ANKRD44: variants seen among roughly 807,000 people sequenced by gnomAD.
The protein encoded by ANKRD44 is serine/threonine-protein phosphatase 6 regulatory ankyrin repeat subunit B.
ANKRD44 carries 35 observed loss-of-function variants against 116.0 expected under a neutral mutation model. The ratio of observed to expected loss-of-function variants is 0.30; its 90% CI spans 0.23 to 0.40. ANKRD44 has a LOEUF of 0.40. Ranked by LOEUF, ANKRD44 falls within the 10% of genes least tolerant of loss-of-function variation. The probability of loss-of-function intolerance (pLI) is 1.00; values close to 1 mark genes in which losing one functional copy is unlikely to be tolerated. For missense variants in ANKRD44, 1,014 were observed against 1,242.6 expected (o/e 0.82, Z 2.77); for synonymous variants, 435 against 461.8 (o/e 0.94, Z 0.74).
intron 21 of ANKRD44, 138 bp downstream of exon 21, chr2:197,005,556 C>T: frequency 1.2e-6 from 1 of 801,642 alleles, no homozygotes; most frequent in Non-Finnish European, 2.0e-6. Context: ...AAACAAAATA[C>T]ACAAAAAAGA....
At chr2:197,097,930 C>G (rs2078200565) in intron 10 of ANKRD44, among the ~76,000 whole-genome samples, 1 of 152,236 alleles carries the variant, frequency 6.6e-6, no homozygotes, top group Non-Finnish European at 1.5e-5. Context: ...ACTCCACCCA[C>G]CAAACATCCA....
intron 8 of ANKRD44, among the ~76,000 whole-genome samples, chr2:197,116,187 G>T (rs1350025770): frequency 6.6e-6 from 1 of 152,196 alleles, no homozygotes; most frequent in Non-Finnish European, 1.5e-5. Flanking sequence ...CAGTAGGCCG[G>T]TGTGCCAGAG....
At chr2:197,009,130 T>C (rs2076252160) in intron 18 of ANKRD44, 99 bp from the exon 19 acceptor site, 5 of 979,804 alleles carry the variant, frequency 5.1e-6, no homozygotes, top group Admixed American at 1.9e-5. Flanking sequence ...TCTTGCTCTG[T>C]CGCCAGGCTG....
chr2:197,133,817 G>T lies in ANKRD44; in HGVS notation c.261+2775C>A, dbSNP rs184927175. Reference sequence around the variant, plus strand: ...ATAAGACTAAATTCCAAAGAAGAAGGAAATCTGAATTTAGGACTTCCACAG... The same window carrying T: ...ATAAGACTAAATTCCAAAGAAGAAGTAAATCTGAATTTAGGACTTCCACAG... On this transcript the variant is annotated intron_variant, in intron 4 of 27. Transcript: ENST00000282272. 1.4e-3 allele frequency among the ~76,000 whole-genome samples: 213 copies of T among 152,232 alleles called. 1 individual carries two copies. The highest frequency in any genetic ancestry group is 5.0e-3 in the African/African-American group (206 of 41,538).
At chr2:197,078,569 CATGAA>C (rs773713763) in intron 16 of ANKRD44, 129 bp downstream of exon 16, 7 of 1,520,388 alleles carry the variant, frequency 4.6e-6, no homozygotes, top group Middle Eastern at 1.7e-4. Context: ...AATCAGAATT[CATGAA>C]ATCCTGATTC....
intron 1 of ANKRD44, among the ~76,000 whole-genome samples, chr2:197,238,945 T>C (rs2082033043): frequency 6.6e-6 from 1 of 152,154 alleles, no homozygotes; most frequent in South Asian, 2.1e-4. Context: ...CCTCAGGTGA[T>C]CTGCTCGTCC....
At chr2:197,036,478 C>A (rs1056909043) in intron 16 of ANKRD44, among the ~76,000 whole-genome samples, 1 of 152,112 alleles carries the variant, frequency 6.6e-6, no homozygotes, top group Admixed American at 6.5e-5. Flanking sequence ...AGGCTGGTCT[C>A]GAACTCCTGA....
At chr2:197,271,013 C>T (rs2082883663) in intron 1 of ANKRD44, among the ~76,000 whole-genome samples, 1 of 152,178 alleles carries the variant, frequency 6.6e-6, no homozygotes, top group Admixed American at 6.5e-5. Context: ...TGCAGCTGCC[C>T]AGGGACCTGT....
chr2:197,081,806 A>T, intron 14 of ANKRD44, 81 bp from the exon 15 acceptor site: 1 of 1,147,396 alleles, frequency 8.7e-7, no homozygotes. Context: ...GGTGCAATTT[A>T]TATCTCAATG....
intron 16 of ANKRD44, among the ~76,000 whole-genome samples, chr2:197,068,249 AT>A (rs1480035409): frequency 7.4e-6 from 1 of 135,560 alleles, no homozygotes; most frequent in East Asian, 2.2e-4. Flanking sequence ...ATTGGGAGAT[AT>A]ACCTAATGCT....
At chr2:197,116,115 G>GT (rs1440417818) in intron 8 of ANKRD44, among the ~76,000 whole-genome samples, 2 of 152,158 alleles carry the variant, frequency 1.3e-5, no homozygotes, top group Non-Finnish European at 2.9e-5. Context: ...AAAAACCAAT[G>GT]TATCACAGAA....
intron 2 of ANKRD44, among the ~76,000 whole-genome samples, chr2:197,148,507 G>C (rs918877565): frequency 1.3e-5 from 2 of 152,136 alleles, no homozygotes; most frequent in Admixed American, 6.5e-5. Context: ...TTCATAATTT[G>C]ATTATATAAT....
intron 2 of ANKRD44, among the ~76,000 whole-genome samples, chr2:197,185,940 T>C (rs1332678825): frequency 6.6e-6 from 1 of 152,196 alleles, no homozygotes; most frequent in Non-Finnish European, 1.5e-5. Flanking sequence ...TATAGTCTGT[T>C]TCACAACTAC....
At chr2:197,227,782 C>T (rs2081755122) in intron 1 of ANKRD44, among the ~76,000 whole-genome samples, 1 of 152,160 alleles carries the variant, frequency 6.6e-6, no homozygotes, top group South Asian at 2.1e-4. Flanking sequence ...CTCTGGGCTT[C>T]ATTTTCCTCA....
At chr2:196,977,531 C>A (rs1484838763) in intron 21 of ANKRD44, among the ~76,000 whole-genome samples, 2 of 152,074 alleles carry the variant, frequency 1.3e-5, no homozygotes, top group Non-Finnish European at 2.9e-5. Flanking sequence ...TAAAAATGGG[C>A]AAAGGATTTG....
intron 1 of ANKRD44, among the ~76,000 whole-genome samples, chr2:197,309,152 C>G (rs556971500): frequency 6.6e-6 from 1 of 152,258 alleles, no homozygotes; most frequent in Admixed American, 6.5e-5. Context: ...CGTGTACTAG[C>G]AAAGATGACA....
At chr2:197,182,274 C>T (rs1267832289) in intron 2 of ANKRD44, among the ~76,000 whole-genome samples, 1 of 152,084 alleles carries the variant, frequency 6.6e-6, no homozygotes, top group Non-Finnish European at 1.5e-5. Flanking sequence ...ATTTCCAGGC[C>T]CTGGTATGCC....
intron 16 of ANKRD44, among the ~76,000 whole-genome samples, chr2:197,026,947 C>T (rs936087186): frequency 1.3e-5 from 2 of 151,768 alleles, no homozygotes; most frequent in African/African-American, 2.4e-5. Context: ...CCTAAGCAAA[C>T]GGAAACATGA....
chr2:196,987,906 A>G lies in ANKRD44; in HGVS notation c.*1685T>C. ...TTTCTAAGAGATGTAATTAAAATAC[A>G]GAAATGATAGTTTTTAAAGTCATTT... On this transcript the variant is annotated 3_prime_UTR_variant, in exon 28 of 28. Transcript: ENST00000282272. The G allele has an allele frequency of 1.0e-6, 1 of 983,248 alleles. No homozygotes were observed. The highest frequency in any genetic ancestry group is 1.2e-6 in the Non-Finnish European group (1 of 827,960). 60.9% of individuals were successfully genotyped at this position (983,248 alleles called of 1,614,324 possible). A position where few individuals can be genotyped will look rare whatever the true frequency, so the allele number is the denominator to read the frequency against.
Sources: gnomAD v4.1 joint callset for allele counts (sites outside exome capture counted in the v4.1 genomes callset) on GRCh38, gnomAD v4.1.1 for gene constraint, MANE v1.5 for transcripts, NCBI Gene and HGNC (gene_info 2026-07-23, HGNC 2026-07-21) for gene names.